Variants in LAMA2 observed in about 807,000 individuals in gnomAD.
The protein encoded by LAMA2 is laminin subunit alpha 2, also known as laminin subunit alpha-2.
A neutral mutation model predicts 364.8 loss-of-function variants in LAMA2; 269 were observed. That is an observed-to-expected ratio of 0.74 (90% CI 0.67 to 0.82). LAMA2 has a LOEUF of 0.82. LAMA2 is among the 40% of genes least tolerant of loss of function. The pLI, the probability that LAMA2 is intolerant of heterozygous loss-of-function variation, is 0.00. For synonymous variants in LAMA2, 1,379 were observed against 1,370.6 expected (o/e 1.01, Z -0.14); for missense variants, 3,807 against 3,873.2 (o/e 0.98, Z 0.45).
At chr6:129,416,931 C>T (rs1031459089) in intron 40 of LAMA2, among the ~76,000 whole-genome samples, 1 of 152,178 alleles carries the variant, frequency 6.6e-6, no homozygotes, top group Non-Finnish European at 1.5e-5. Flanking sequence ...AGACATACTA[C>T]AATTGGCTTC....
At chr6:128,920,779 C>A (rs1459917683) in intron 1 of LAMA2, among the ~76,000 whole-genome samples, 1 of 151,518 alleles carries the variant, frequency 6.6e-6, no homozygotes, top group African/African-American at 2.4e-5. Context: ...AGACAAAATA[C>A]AACTTTAGGT....
intron 28 of LAMA2, among the ~76,000 whole-genome samples, chr6:129,322,111 T>G (rs1775001458): frequency 6.6e-6 from 1 of 152,228 alleles, no homozygotes; most frequent in African/African-American, 2.4e-5. Flanking sequence ...TAACTGCAAC[T>G]GTTTTGTGAC....
At chr6:129,223,858 A>G (rs1784052314) in intron 12 of LAMA2, among the ~76,000 whole-genome samples, 1 of 152,072 alleles carries the variant, frequency 6.6e-6, no homozygotes, top group Non-Finnish European at 1.5e-5. Flanking sequence ...ACTTTAAAGT[A>G]GTTTTTTTTC....
chr6:129,065,760 T>A (rs182717632), intron 3 of LAMA2, among the ~76,000 whole-genome samples: 139 of 152,294 alleles, frequency 9.1e-4, no homozygotes, highest in Non-Finnish European at 1.8e-3. Context: ...TGTACTCCAA[T>A]AATTCCCATG....
chr6:129,475,360 G>GTTT, intron 52 of LAMA2, 30 bp from the exon 53 acceptor site: 3 of 1,165,472 alleles, frequency 2.6e-6, no homozygotes, highest in Non-Finnish European at 3.6e-6. Flanking sequence ...TTTTATTTTT[G>GTTT]TTTTTTTTTT....
intron 1 of LAMA2, among the ~76,000 whole-genome samples, chr6:128,924,193 C>T (rs1582689831): frequency 1.3e-5 from 2 of 152,112 alleles, no homozygotes; most frequent in East Asian, 3.9e-4. Context: ...TTTTTACAAG[C>T]TTCTTTTCAT....
At chr6:129,293,638 C>A (rs1357538941) in intron 20 of LAMA2, among the ~76,000 whole-genome samples, 1 of 151,232 alleles carries the variant, frequency 6.6e-6, no homozygotes, top group Non-Finnish European at 1.5e-5. Context: ...TATCACAGGA[C>A]AAAACAAAAC....
intron 12 of LAMA2, among the ~76,000 whole-genome samples, chr6:129,219,512 A>G (rs1783652569): frequency 2.0e-5 from 3 of 151,668 alleles, no homozygotes; most frequent in South Asian, 4.2e-4. Flanking sequence ...ATGCTGCTAT[A>G]AAGACACATG....
chr6:129,266,951 C>G (rs1440919975), intron 15 of LAMA2, among the ~76,000 whole-genome samples, 155 bp from the exon 16 acceptor site: 2 of 152,106 alleles, frequency 1.3e-5, no homozygotes, highest in Non-Finnish European at 2.9e-5. Flanking sequence ...AGGAATAGCT[C>G]TGTTGCAATG....
In LAMA2 at chr6:129,462,867, G is replaced by T. The variant is rs1783330780; in HGVS notation, c.6993-1423G>T. 2.6e-5 allele frequency among the ~76,000 whole-genome samples: 4 copies of T among 152,022 alleles called. 1 individual carries two copies. The South Asian group carries it at 8.3e-4, about 32-fold the overall frequency. ...TTCATGGAGAAGATGTAAAAGTGAG[G>T]CTAAAAGAGGTAGACTAAGAAAATG... On this transcript the variant is annotated intron_variant, in intron 49 of 64. Coordinates refer to ENST00000421865, the MANE Select transcript of LAMA2 (RefSeq NM_000426.4).
In LAMA2 at chr6:129,155,951, TGAG is replaced by T. The variant is rs1356563704; in HGVS notation, c.1206+1272_1206+1274del. Among the ~76,000 whole-genome samples, 16 of 151,988 alleles carry T rather than the reference TGAG, an allele frequency of 1.1e-4. No homozygotes were observed. In the South Asian group the frequency reaches 3.1e-3, roughly 30 times the overall value. ...ATATACAAATATGGAAAATGGAGCT[TGAG>T]GAGATGTTGGTCAAAGAATATAAAA... On this transcript the variant is annotated intron_variant, in intron 8 of 64. Transcript: ENST00000421865.
chr6:129,319,202 T>G (rs1314833034), intron 27 of LAMA2, among the ~76,000 whole-genome samples: 2 of 152,178 alleles, frequency 1.3e-5, no homozygotes, highest in Non-Finnish European at 2.9e-5. Context: ...TGAAAGGTCA[T>G]TCAGAGCATT....
Position 129,445,819 on chromosome 6 carries a change from T to A in LAMA2, c.6427T>A (p.Ser2143Thr), listed in dbSNP as rs1207427599. 6.2e-7 allele frequency: 1 copy of A among 1,612,402 alleles called. No individual in the cohort carries two copies. The highest frequency in any genetic ancestry group is 1.1e-5 in the South Asian group (1 of 91,042). ...LINQARKQAN[S>T]IKVSVSSGGD... ...AAACCAAGCTCGGAAACAAGCCAATTCTGTAAGTTCTTTTTATCGTCAGTA... is the reference window on the plus strand; with the variant it reads ...AAACCAAGCTCGGAAACAAGCCAATACTGTAAGTTCTTTTTATCGTCAGTA... The change falls in exon 45 of 65, where the codon TCT (serine) becomes ACT (threonine). Residue 2143 changes from serine to threonine, a missense_variant and splice_region_variant. This residue lies in a region of LAMA2 where 3,333 missense variants were observed against 3,345.7 expected (regional missense o/e 1.00). Coordinates refer to ENST00000421865, the MANE Select transcript of LAMA2 (RefSeq NM_000426.4).
At chr6:129,510,467 G>A (rs1786481944) in intron 62 of LAMA2, among the ~76,000 whole-genome samples, 1 of 152,112 alleles carries the variant, frequency 6.6e-6, no homozygotes, top group African/African-American at 2.4e-5. Context: ...TGTACTTTAA[G>A]ATAGAATATT....
At chr6:129,110,858 A>C (rs1476985613) in intron 4 of LAMA2, among the ~76,000 whole-genome samples, 1 of 152,020 alleles carries the variant, frequency 6.6e-6, no homozygotes, top group Non-Finnish European at 1.5e-5. Context: ...CACTGTGTGG[A>C]TAATTAAATG....
At chr6:129,126,621 GA>G (rs1183357090) in intron 4 of LAMA2, among the ~76,000 whole-genome samples, 1 of 151,822 alleles carries the variant, frequency 6.6e-6, no homozygotes, top group Admixed American at 6.6e-5. Context: ...AAGAAAGCCA[GA>G]ATCAAAACCC....
chr6:129,038,069 C>T (rs1786789510), intron 1 of LAMA2, among the ~76,000 whole-genome samples: 1 of 152,110 alleles, frequency 6.6e-6, no homozygotes. Context: ...AAATTTTACA[C>T]AGTTAAAGAT....
intron 58 of LAMA2, among the ~76,000 whole-genome samples, chr6:129,493,116 C>G (rs558994377): frequency 1.3e-5 from 2 of 152,218 alleles, no homozygotes; most frequent in South Asian, 4.1e-4. Context: ...GATCACGCCA[C>G]TGTACTCCAG....
In LAMA2 at chr6:129,190,351, C is replaced by A. The variant is rs1277180830; in HGVS notation, c.1608+6C>A. On this transcript the variant is annotated splice_donor_region_variant and intron_variant, in intron 11 of 64. Transcript: ENST00000421865. ...CCTACTGGACCTATGGCAAAGTAAG[C>A]AAGCACCATTTGGTTCTGTTTGCTG... 1 of 1,612,752 alleles carries A rather than the reference C, an allele frequency of 6.2e-7. No individual in the cohort carries two copies. Among genetic ancestry groups the A allele is most frequent in the Non-Finnish European group, 8.5e-7 (1 of 1,179,042 alleles).
Sources: gnomAD v4.1 joint callset for allele counts (sites outside exome capture counted in the v4.1 genomes callset) on GRCh38, gnomAD v4.1.1 for gene constraint, gnomAD v4.1.1 regional missense constraint, MANE v1.5 for transcripts, NCBI Gene and HGNC (gene_info 2026-07-23, HGNC 2026-07-21) for gene names.